Variants in LHFPL3 observed in about 807,000 individuals in gnomAD.
LHFPL3 encodes the protein LHFPL tetraspan subfamily member 3 protein.
Under a neutral mutation model 19.3 loss-of-function variants are expected in LHFPL3, and 5 were observed. That is an observed-to-expected ratio of 0.26 (90% confidence interval 0.14 to 0.54). The LOEUF (loss-of-function observed/expected upper bound fraction) is 0.54. Ranked by LOEUF, LHFPL3 falls within the 20% of genes least tolerant of loss-of-function variation. The probability of loss-of-function intolerance (pLI) is 0.94; values close to 1 mark genes in which losing one functional copy is unlikely to be tolerated. For missense variants in LHFPL3, 249 were observed against 307.4 expected, an observed-to-expected ratio of 0.81 and a Z score of 1.42; for synonymous variants, 133 against 126.2, an observed-to-expected ratio of 1.05 and a Z score of -0.36.
chr7:104,804,573 A>G (rs969530825), intron 2 of LHFPL3, among the ~76,000 whole-genome samples: 3 of 152,144 alleles, frequency 2.0e-5, no homozygotes, highest in Admixed American at 2.0e-4. Context: ...GTTACATAAG[A>G]TTGTGATTTC....
chr7:104,361,677 G>A (rs1338755814), intron 1 of LHFPL3, among the ~76,000 whole-genome samples: 2 of 152,118 alleles, frequency 1.3e-5, no homozygotes. Context: ...TTGAGGAAAC[G>A]ATCTTCATTT....
chr7:104,802,307 C>A (rs1790267227), intron 2 of LHFPL3, among the ~76,000 whole-genome samples: 1 of 151,988 alleles, frequency 6.6e-6, no homozygotes, highest in African/African-American at 2.4e-5. Flanking sequence ...CCAGACTGGG[C>A]AACATGGTGA....
chr7:104,850,558 G>A (rs747496525), intron 2 of LHFPL3, among the ~76,000 whole-genome samples: 2 of 152,152 alleles, frequency 1.3e-5, no homozygotes, highest in African/African-American at 2.4e-5. Context: ...CTGATGCAGA[G>A]GGCTTCCCCA....
intron 2 of LHFPL3, among the ~76,000 whole-genome samples, chr7:104,791,773 C>T (rs1014076749): frequency 6.6e-6 from 1 of 152,046 alleles, no homozygotes; most frequent in African/African-American, 2.4e-5. Context: ...AATATTGTTC[C>T]CCCAGGGGTG....
At chr7:104,713,650 C>G (rs1793333286) in intron 1 of LHFPL3, among the ~76,000 whole-genome samples, 1 of 152,106 alleles carries the variant, frequency 6.6e-6, no homozygotes, top group Non-Finnish European at 1.5e-5. Flanking sequence ...GAGGACACAG[C>G]CAAACCATAT....
At chr7:104,766,026 A>C (rs1449757689) in intron 2 of LHFPL3, among the ~76,000 whole-genome samples, 1 of 152,194 alleles carries the variant, frequency 6.6e-6, no homozygotes, top group East Asian at 1.9e-4. Flanking sequence ...TAATTTGCTA[A>C]ACCCTGCTGT....
At chr7:104,776,041 A>G (rs1247287507) in intron 2 of LHFPL3, among the ~76,000 whole-genome samples, 2 of 152,206 alleles carry the variant, frequency 1.3e-5, no homozygotes, top group Non-Finnish European at 2.9e-5. Flanking sequence ...TGGGTTTAAC[A>G]TGTAAACTGG....
chr7:104,421,849 G>C (rs1791739322), intron 1 of LHFPL3, among the ~76,000 whole-genome samples: 1 of 152,184 alleles, frequency 6.6e-6, no homozygotes, highest in African/African-American at 2.4e-5. Context: ...GGTGTTAGGA[G>C]GTGGGGCATT....
At chr7:104,445,816 C>G (rs913409471) in intron 1 of LHFPL3, among the ~76,000 whole-genome samples, 3 of 152,162 alleles carry the variant, frequency 2.0e-5, no homozygotes, top group Non-Finnish European at 2.9e-5. Flanking sequence ...ATCAACTTTT[C>G]ACATCCCACC....
At chr7:104,700,477 A>G (rs1418298528) in intron 1 of LHFPL3, among the ~76,000 whole-genome samples, 1 of 152,220 alleles carries the variant, frequency 6.6e-6, no homozygotes, top group Non-Finnish European at 1.5e-5. Context: ...CCTAGTGGGT[A>G]AGGAGTGCAT....
chr7:104,410,779 T>A (rs191693124), intron 1 of LHFPL3, among the ~76,000 whole-genome samples: 1 of 152,284 alleles, frequency 6.6e-6, no homozygotes, highest in Non-Finnish European at 1.5e-5. Flanking sequence ...CACCAACCAA[T>A]CTTAATAACT....
At chr7:104,348,921 T>C (rs1790124030) in intron 1 of LHFPL3, among the ~76,000 whole-genome samples, 2 of 152,140 alleles carry the variant, frequency 1.3e-5, no homozygotes, top group African/African-American at 2.4e-5. Context: ...TCAGGCAAAG[T>C]CTAATTGGGG....
chr7:104,648,244 T>A (rs989480610), intron 1 of LHFPL3, among the ~76,000 whole-genome samples: 1 of 152,176 alleles, frequency 6.6e-6, no homozygotes, highest in African/African-American at 2.4e-5. Flanking sequence ...GCTGTATTCA[T>A]AATAGTGATC....
At chr7:104,332,536 C>G (rs1801589869) in intron 1 of LHFPL3, among the ~76,000 whole-genome samples, 1 of 151,988 alleles carries the variant, frequency 6.6e-6, no homozygotes, top group Non-Finnish European at 1.5e-5. Flanking sequence ...CAGCCAAAAT[C>G]CTATTTCAAG....
intron 1 of LHFPL3, among the ~76,000 whole-genome samples, chr7:104,480,800 A>G (rs559087767): frequency 2.0e-5 from 3 of 152,306 alleles, no homozygotes. Flanking sequence ...ATCTTGAATA[A>G]CCCATGGGTA....
chr7:104,746,666 C>T (rs747605323), intron 2 of LHFPL3, among the ~76,000 whole-genome samples: 15 of 152,182 alleles, frequency 9.9e-5, no homozygotes, highest in Non-Finnish European at 2.1e-4. Flanking sequence ...TTTGTGCTAC[C>T]TGCTAGCTCT....
chr7:104,886,998 C>T (rs1195644015), intron 2 of LHFPL3, among the ~76,000 whole-genome samples: 1 of 152,236 alleles, frequency 6.6e-6, no homozygotes, highest in Non-Finnish European at 1.5e-5. Context: ...GAACATTTAA[C>T]TGTGGATTTG....
intron 1 of LHFPL3, among the ~76,000 whole-genome samples, chr7:104,461,523 G>A (rs942667945): frequency 6.6e-6 from 1 of 152,148 alleles, no homozygotes; most frequent in African/African-American, 2.4e-5. Flanking sequence ...TAAGTATGCA[G>A]CCTTATTTTG....
intron 1 of LHFPL3, among the ~76,000 whole-genome samples, chr7:104,571,000 C>T (rs1161009536): frequency 1.3e-5 from 2 of 152,104 alleles, no homozygotes; most frequent in East Asian, 3.8e-4. Context: ...AACATACTGC[C>T]CTTAGTGTTC....
Sources: gnomAD v4.1 joint callset for allele counts (sites outside exome capture counted in the v4.1 genomes callset) on GRCh38, gnomAD v4.1.1 for gene constraint, MANE v1.5 for transcripts, NCBI Gene and HGNC (gene_info 2026-07-23, HGNC 2026-07-21) for gene names.